The following PIK3R3 variants were observed in gnomAD, a reference collection of about 807,000 sequenced individuals.
The protein encoded by PIK3R3 is phosphatidylinositol 3-kinase regulatory subunit gamma.
PIK3R3 carries 64 observed loss-of-function variants against 62.9 expected under a neutral mutation model. The ratio of observed to expected loss-of-function variants is 1.02; its 90% confidence interval spans 0.83 to 1.25. PIK3R3 has a LOEUF of 1.25. Ranked by LOEUF, PIK3R3 falls within the 50% of genes most tolerant of loss-of-function variation. The pLI is 0.00. For synonymous variants in PIK3R3, 165 were observed against 189.0 expected (o/e 0.87, Z 1.04); for missense variants, 614 against 561.6 (o/e 1.09, Z -0.94).
In PIK3R3 at chr1:46,043,705, C is replaced by G. The variant is rs1241801766; in HGVS notation, c.1354G>C (p.Val452Leu). The change falls in exon 10 of 10, where the codon GTT becomes CTT. Residue 452 changes from valine (V) to leucine (L), a missense_variant. Physicochemically the swap from Val to Leu is conservative, Grantham distance 32. Coordinates refer to ENST00000262741, the MANE Select transcript of PIK3R3 (RefSeq NM_003629.4). ...DSLNVRLAYPVHAQMPSLCR is the reference protein window; with the variant it reads ...DSLNVRLAYPLHAQMPSLCR ...CAAAGCGAGGGCATCTGTGCATGAA[C>G]AGGGTAGGCAAGCCTGACGTTGAGG... The G allele has an allele frequency of 1.9e-6, 3 of 1,614,118 alleles. No individual in the cohort carries two copies. In the African/African-American group the frequency reaches 4.0e-5, roughly 22 times the overall value.
chr1:46,137,965 G>A (rs934930111), upstream of PIK3R3, among the ~76,000 whole-genome samples: 1 of 152,204 alleles, frequency 6.6e-6, no homozygotes, highest in Admixed American at 6.5e-5. Context: ...GGAACCAAGA[G>A]GGGCAGACAA....
chr1:46,145,623 T>C, the PIK3R3 span, among the ~76,000 whole-genome samples: 1 of 152,192 alleles, frequency 6.6e-6, no homozygotes, highest in Non-Finnish European at 1.5e-5. Context: ...AAGGCATTAA[T>C]ATATTTGTGA....
At chr1:46,051,309 A>G (rs1647322941) in intron 7 of PIK3R3, among the ~76,000 whole-genome samples, 1 of 152,056 alleles carries the variant, frequency 6.6e-6, no homozygotes, top group South Asian at 2.1e-4. Context: ...TGCCCAGGCT[A>G]GAGTGCAGTG....
intron 1 of PIK3R3, among the ~76,000 whole-genome samples, chr1:46,117,113 G>A (rs1654253746): frequency 6.6e-6 from 1 of 152,076 alleles, no homozygotes; most frequent in South Asian, 2.1e-4. Flanking sequence ...AGAACATCAG[G>A]AAATTTTCTT....
chr1:46,170,865 T>C, the PIK3R3 span, among the ~76,000 whole-genome samples: 2 of 152,242 alleles, frequency 1.3e-5, no homozygotes, highest in East Asian at 1.9e-4. Flanking sequence ...TTTCTCAAGA[T>C]GTCCATTTCA....
chr1:46,073,484 C>T (rs1037234367), intron 3 of PIK3R3, among the ~76,000 whole-genome samples: 2 of 152,196 alleles, frequency 1.3e-5, no homozygotes, highest in South Asian at 4.1e-4. Flanking sequence ...GACAAATCCA[C>T]TGTAGCAACC....
the PIK3R3 span, among the ~76,000 whole-genome samples, chr1:46,140,244 G>A: frequency 1.5e-4 from 23 of 152,136 alleles, no homozygotes; most frequent in South Asian, 1.0e-3. Context: ...TCCTCCTGCC[G>A]CAGCCTCCCA....
intron 7 of PIK3R3, among the ~76,000 whole-genome samples, chr1:46,050,842 A>G (rs1647284367): frequency 6.6e-6 from 1 of 152,254 alleles, no homozygotes; most frequent in Non-Finnish European, 1.5e-5. Flanking sequence ...AAAATGTGGT[A>G]TAACTATACA....
chr1:46,162,222 G>C, the PIK3R3 span, among the ~76,000 whole-genome samples: 3 of 152,122 alleles, frequency 2.0e-5, no homozygotes, highest in Non-Finnish European at 2.9e-5. Context: ...GGTGGCTCAT[G>C]CCTGTAATCC....
chr1:46,135,353 TTAAAG>T (rs1655891725), upstream of PIK3R3, among the ~76,000 whole-genome samples: 1 of 152,178 alleles, frequency 6.6e-6, no homozygotes, highest in Non-Finnish European at 1.5e-5. Flanking sequence ...TTTTTTTAAT[TTAAAG>T]TAGTCTTAGG....
At chr1:46,080,130 C>G (rs1158135125) in intron 2 of PIK3R3, among the ~76,000 whole-genome samples, 6 of 149,588 alleles carry the variant, frequency 4.0e-5, no homozygotes, top group African/African-American at 1.5e-4. Flanking sequence ...GGCACTATCT[C>G]GGCTCACTGC....
At chr1:46,171,508 CG>C in the PIK3R3 span, among the ~76,000 whole-genome samples, 4 of 152,074 alleles carry the variant, frequency 2.6e-5, no homozygotes, top group Admixed American at 1.3e-4. Flanking sequence ...GAACAGAGGC[CG>C]GAAGTGGGGG....
At chr1:46,066,316 C>T in intron 4 of PIK3R3, 137 bp from the exon 5 acceptor site, 1 of 629,362 alleles carries the variant, frequency 1.6e-6, no homozygotes, top group Admixed American at 3.1e-5. Flanking sequence ...CAACTTTAAG[C>T]CACTGTATTA....
At chr1:46,097,089 T>C (rs1652209264) in intron 1 of PIK3R3, among the ~76,000 whole-genome samples, 1 of 151,436 alleles carries the variant, frequency 6.6e-6, no homozygotes, top group Non-Finnish European at 1.5e-5. Context: ...TCCAGCAACA[T>C]ATAAATAGGA....
chr1:46,166,681 G>A, the PIK3R3 span, among the ~76,000 whole-genome samples: 5 of 152,252 alleles, frequency 3.3e-5, no homozygotes, highest in African/African-American at 1.2e-4. Flanking sequence ...AACTGCTAGT[G>A]AGCCCACTTC....
In PIK3R3 at chr1:46,083,108, T is replaced by G. The variant is rs577132697; in HGVS notation, c.107-2358A>C. On this transcript the variant is annotated intron_variant, in intron 1 of 9. Transcript: ENST00000262741. ...TAAACAAATAAAGAAATAAAGTCCCTTAGTCAACTGATTTTCAACATGGAT... is the reference window on the plus strand; with the variant it reads ...TAAACAAATAAAGAAATAAAGTCCCGTAGTCAACTGATTTTCAACATGGAT... Among the ~76,000 whole-genome samples the G allele has an allele frequency of 3.2e-4, 49 of 152,118 alleles. No individual in the cohort carries two copies. In the South Asian group the frequency reaches 0.01, roughly 32 times the overall value.
intron 1 of PIK3R3, among the ~76,000 whole-genome samples, chr1:46,100,973 A>G (rs1363656909): frequency 1.3e-5 from 2 of 151,188 alleles, no homozygotes; most frequent in Non-Finnish European, 2.9e-5. Flanking sequence ...TAGGAGTTCA[A>G]GACTAGCCTA....
chr1:46,070,754 T>A (rs1649407321), intron 3 of PIK3R3, among the ~76,000 whole-genome samples: 2 of 152,134 alleles, frequency 1.3e-5, no homozygotes, highest in African/African-American at 4.8e-5. Context: ...AGCAAGTTTG[T>A]TAAGGATATA....
At chr1:46,150,344 C>T in the PIK3R3 span, among the ~76,000 whole-genome samples, 1 of 152,184 alleles carries the variant, frequency 6.6e-6, no homozygotes, top group Non-Finnish European at 1.5e-5. Context: ...CCAGGAAATC[C>T]ACACAAACTC....
Sources: gnomAD v4.1 joint callset for allele counts (sites outside exome capture counted in the v4.1 genomes callset) on GRCh38, gnomAD v4.1.1 for gene constraint, MANE v1.5 for transcripts, NCBI Gene and HGNC (gene_info 2026-07-23, HGNC 2026-07-21) for gene names.